Variants in GALNT13 observed in about 807,000 individuals in gnomAD.
GALNT13 encodes the protein UDP-GalNAc:polypeptide N-acetylgalactosaminyltransferase 13.
A neutral mutation model predicts 64.2 loss-of-function variants in GALNT13; 28 were observed. The ratio of observed to expected loss-of-function variants is 0.44; its 90% CI spans 0.32 to 0.60. The LOEUF (loss-of-function observed/expected upper bound fraction) is 0.60. GALNT13 is among the 20% of genes least tolerant of loss of function. The pLI, the probability that GALNT13 is intolerant of heterozygous loss-of-function variation, is 0.05. For missense variants in GALNT13, 577 were observed against 669.8 expected, an observed-to-expected ratio of 0.86 and a Z score of 1.53; for synonymous variants, 214 against 224.6, an observed-to-expected ratio of 0.95 and a Z score of 0.42.
the GALNT13 span, among the ~76,000 whole-genome samples, chr2:153,608,627 TTCTC>T: frequency 1.3e-5 from 2 of 148,874 alleles, no homozygotes; most frequent in Admixed American, 6.7e-5. Flanking sequence ...ATACATATAT[TTCTC>T]TCTTTCATAC....
chr2:154,365,193 T>G (rs1697301051), intron 9 of GALNT13, among the ~76,000 whole-genome samples: 1 of 152,162 alleles, frequency 6.6e-6, no homozygotes, highest in East Asian at 1.9e-4. Context: ...ATTTATCCTA[T>G]TCACTGAACA....
At chr2:153,677,326 A>ACACAC in the GALNT13 span, among the ~76,000 whole-genome samples, 1 of 132,194 alleles carries the variant, frequency 7.6e-6, no homozygotes, top group Non-Finnish European at 1.6e-5. Context: ...CACACACACA[A>ACACAC]TACCTATGAC....
chr2:153,682,689 T>C, the GALNT13 span, among the ~76,000 whole-genome samples: 1 of 151,814 alleles, frequency 6.6e-6, no homozygotes. Flanking sequence ...GGCTTAGTTG[T>C]TATCTTGAAA....
At chr2:153,798,652 G>A in the GALNT13 span, among the ~76,000 whole-genome samples, 2 of 152,048 alleles carry the variant, frequency 1.3e-5, no homozygotes, top group Non-Finnish European at 2.9e-5. Context: ...AAAAACTCCC[G>A]TGAAGAACCA....
the GALNT13 span, among the ~76,000 whole-genome samples, chr2:153,565,620 A>G: frequency 6.6e-6 from 1 of 152,124 alleles, no homozygotes; most frequent in Admixed American, 6.5e-5. Flanking sequence ...TTTTCTCGTA[A>G]GTGTTATAAA....
chr2:153,483,919 G>A, the GALNT13 span, among the ~76,000 whole-genome samples: 1 of 152,152 alleles, frequency 6.6e-6, no homozygotes, highest in African/African-American at 2.4e-5. Context: ...CAGAGTTTGA[G>A]TTTGGAATGA....
chr2:153,288,469 T>C, the GALNT13 span, among the ~76,000 whole-genome samples: 1 of 152,242 alleles, frequency 6.6e-6, no homozygotes, highest in South Asian at 2.1e-4. Flanking sequence ...CTGAGTAGCC[T>C]GATGAAATCT....
At chr2:153,334,410 A>G in the GALNT13 span, among the ~76,000 whole-genome samples, 1 of 152,202 alleles carries the variant, frequency 6.6e-6, no homozygotes. Context: ...TTCCACTTGA[A>G]CCAGTAAAGT....
chr2:154,406,332 C>A (rs1699538141), intron 10 of GALNT13, among the ~76,000 whole-genome samples: 1 of 152,078 alleles, frequency 6.6e-6, no homozygotes, highest in African/African-American at 2.4e-5. Flanking sequence ...TGCTTCCAGT[C>A]TTTCCTCCCT....
chr2:153,846,378 A>G, the GALNT13 span, among the ~76,000 whole-genome samples: 4 of 152,254 alleles, frequency 2.6e-5, no homozygotes, highest in East Asian at 7.7e-4. Context: ...TAAAAGTAGA[A>G]TGTATATTGA....
At chr2:153,277,173 CCCA>C in the GALNT13 span, among the ~76,000 whole-genome samples, 3 of 152,006 alleles carry the variant, frequency 2.0e-5, no homozygotes, top group East Asian at 5.8e-4. Context: ...AGCATAGTAC[CCCA>C]TAGGCAGATT....
the GALNT13 span, among the ~76,000 whole-genome samples, chr2:153,629,895 A>C: frequency 6.7e-6 from 1 of 148,670 alleles, no homozygotes; most frequent in Non-Finnish European, 1.5e-5. Context: ...ACACATGAAA[A>C]AATGCTCATC....
At chr2:153,344,254 G>A in the GALNT13 span, among the ~76,000 whole-genome samples, 13 of 152,276 alleles carry the variant, frequency 8.5e-5, 1 homozygote, top group Middle Eastern at 6.8e-3. Context: ...TCTCAATAAT[G>A]TCCTTTGTAA....
chr2:153,347,517 C>A, the GALNT13 span, among the ~76,000 whole-genome samples: 1 of 151,982 alleles, frequency 6.6e-6, no homozygotes, highest in Non-Finnish European at 1.5e-5. Flanking sequence ...CAGAGGAGTT[C>A]GTTTAAAAAA....
rs145888091 is a variant in GALNT13 at position 153,911,536 on chromosome 2, C to T, written c.-105+10529C>T. ...TGTGTACTTAAATGTGTTTCTGTAG[C>T]GGCTGGTAACAGTCTTTCCTTTCCA... On this transcript the variant is annotated intron_variant, in intron 2 of 12. Transcript: ENST00000392825. Among the ~76,000 whole-genome samples, 625 of 152,178 alleles carry T rather than the reference C, an allele frequency of 4.1e-3. 3 individuals carry two copies. The highest frequency in any genetic ancestry group is 0.014 in the African/African-American group (594 of 41,538).
At chr2:153,730,581 A>G in the GALNT13 span, among the ~76,000 whole-genome samples, 1 of 152,050 alleles carries the variant, frequency 6.6e-6, no homozygotes, top group Admixed American at 6.6e-5. Context: ...CTTCTTCACA[A>G]CAAAAGAAAT....
intron 3 of GALNT13, among the ~76,000 whole-genome samples, chr2:153,948,295 G>A (rs114344745): frequency 1.1e-3 from 162 of 150,320 alleles, no homozygotes; most frequent in African/African-American, 3.3e-3. Flanking sequence ...AATCAAAGCC[G>A]CAATGAGATT....
At chr2:153,395,294 G>T in the GALNT13 span, among the ~76,000 whole-genome samples, 1 of 152,142 alleles carries the variant, frequency 6.6e-6, no homozygotes, top group South Asian at 2.1e-4. Context: ...AACAGAGAAT[G>T]AGTATTTTGA....
chr2:154,245,998 C>T lies in GALNT13; in HGVS notation c.857+16C>T, dbSNP rs770790426. On this transcript the variant is annotated intron_variant, in intron 7 of 12. Coordinates refer to ENST00000392825, the MANE Select transcript of GALNT13 (RefSeq NM_052917.4). ...TACCTGTCAGGTATGTAGATCATAT[C>T]TCTTGAAGATTATGTATATCCCCCT... 44 of 1,583,546 alleles carry T rather than the reference C, an allele frequency of 2.8e-5. No homozygotes were observed. The highest frequency in any genetic ancestry group is 3.7e-5 in the Non-Finnish European group (43 of 1,155,310).
Sources: gnomAD v4.1 joint callset for allele counts (sites outside exome capture counted in the v4.1 genomes callset) on GRCh38, gnomAD v4.1.1 for gene constraint, MANE v1.5 for transcripts, NCBI Gene and HGNC (gene_info 2026-07-23, HGNC 2026-07-21) for gene names.